ADARB2: variants seen among roughly 807,000 people sequenced by gnomAD.
The protein encoded by ADARB2 is inactive double-stranded RNA-specific editase B2.
A neutral mutation model predicts 62.2 loss-of-function variants in ADARB2; 25 were observed. The observed-to-expected ratio is 0.40, with a 90% confidence interval of 0.29 to 0.56. The LOEUF (loss-of-function observed/expected upper bound fraction) is 0.56. ADARB2 is among the 20% of genes least tolerant of loss of function. ADARB2 has a pLI of 0.43. For missense variants in ADARB2, 1,071 were observed against 1,077.4 expected (o/e 0.99, Z 0.08); for synonymous variants, 572 against 500.8 (o/e 1.14, Z -1.90).
At chr10:1,230,504 C>T (rs1830794575) in intron 6 of ADARB2, among the ~76,000 whole-genome samples, 1 of 152,202 alleles carries the variant, frequency 6.6e-6, no homozygotes, top group South Asian at 2.1e-4. Flanking sequence ...GTAACAAAGA[C>T]ATACACCGCC....
At chr10:1,728,950 C>T (rs1012734094) in intron 1 of ADARB2, among the ~76,000 whole-genome samples, 1 of 152,186 alleles carries the variant, frequency 6.6e-6, no homozygotes, top group African/African-American at 2.4e-5. Context: ...TACTGCTTAT[C>T]CTAGTACTTT....
chr10:1,378,833 G>T (rs1034716806), intron 2 of ADARB2, among the ~76,000 whole-genome samples: 12 of 152,182 alleles, frequency 7.9e-5, no homozygotes, highest in African/African-American at 2.9e-4. Context: ...AGGATTCTGG[G>T]TGAGGACAGG....
At chr10:1,188,042 T>G (rs1447982425) in intron 8 of ADARB2, 1 of 164,284 alleles carries the variant, frequency 6.1e-6, no homozygotes, top group Admixed American at 6.1e-5. Flanking sequence ...AGCCTGTCCA[T>G]GACCCCGGAG....
intron 1 of ADARB2, among the ~76,000 whole-genome samples, chr10:1,550,368 C>A (rs369021464): frequency 6.6e-6 from 1 of 152,248 alleles, no homozygotes; most frequent in African/African-American, 2.4e-5. Context: ...CGGCGAACAG[C>A]AGCTATTTTC....
At chr10:1,270,907 CCTTT>C (rs753194918) in intron 4 of ADARB2, 44 bp downstream of exon 4, 11 of 1,540,302 alleles carry the variant, frequency 7.1e-6, no homozygotes, top group Non-Finnish European at 9.8e-6. Context: ...TGCTAATGCT[CCTTT>C]CTTTAGAGAT....
intron 1 of ADARB2, among the ~76,000 whole-genome samples, chr10:1,474,037 G>A (rs989266371): frequency 2.6e-5 from 4 of 152,282 alleles, no homozygotes; most frequent in Non-Finnish European, 5.9e-5. Flanking sequence ...GTAGTTTCTA[G>A]TGCAGGAGAC....
intron 7 of ADARB2, among the ~76,000 whole-genome samples, chr10:1,211,357 T>C (rs988108193): frequency 2.6e-5 from 4 of 152,188 alleles, no homozygotes; most frequent in Admixed American, 2.6e-4. Context: ...TGCTATGTGC[T>C]GTATCATCTA....
At chr10:1,614,883 T>C (rs944390315) in intron 1 of ADARB2, among the ~76,000 whole-genome samples, 31 of 150,230 alleles carry the variant, frequency 2.1e-4, no homozygotes, top group African/African-American at 5.4e-4. Context: ...TGCACTCCAG[T>C]ATGGGTGACA....
At chr10:1,729,960 A>T (rs569469147) in intron 1 of ADARB2, among the ~76,000 whole-genome samples, 1 of 152,382 alleles carries the variant, frequency 6.6e-6, no homozygotes, top group South Asian at 2.1e-4. Context: ...TAAATGGAGC[A>T]GCACAGATTA....
chr10:1,653,170 G>A (rs190588812), intron 1 of ADARB2, among the ~76,000 whole-genome samples: 2 of 152,334 alleles, frequency 1.3e-5, no homozygotes, highest in East Asian at 1.9e-4. Flanking sequence ...TCAGCGTCCA[G>A]GGGAAATATG....
chr10:1,476,112 T>TC (rs1831396706), intron 1 of ADARB2, among the ~76,000 whole-genome samples: 1 of 151,784 alleles, frequency 6.6e-6, no homozygotes, highest in African/African-American at 2.4e-5. Context: ...AAGTAAAACA[T>TC]CCTTTGAAGG....
chr10:1,333,052 A>G (rs1373620977), intron 3 of ADARB2, among the ~76,000 whole-genome samples: 3 of 152,194 alleles, frequency 2.0e-5, no homozygotes, highest in Admixed American at 6.5e-5. Context: ...TTTGACTCCA[A>G]TTGCAAGTGG....
rs186792687 is a variant in ADARB2 at position 1,614,886 on chromosome 10, G to A, written c.100+122165C>T. 1.9e-3 allele frequency among the ~76,000 whole-genome samples: 290 copies of A among 151,252 alleles called. 1 individual carries two copies. Among genetic ancestry groups the A allele is most frequent in the African/African-American group, 6.7e-3 (276 of 41,120 alleles). ...AGATCGCGCCAGTGCACTCCAGTAT[G>A]GGTGACAGAGCGAGACTCTGACTCA... On this transcript the variant is annotated intron_variant, in intron 1 of 9. Transcript: ENST00000381312.
intron 6 of ADARB2, among the ~76,000 whole-genome samples, chr10:1,232,031 G>C (rs374555144): frequency 2.6e-5 from 4 of 152,158 alleles, no homozygotes; most frequent in Non-Finnish European, 1.5e-5. Flanking sequence ...GCCTTCCACC[G>C]GAGGAGAGTC....
chr10:1,375,990 C>T (rs1432557652), intron 2 of ADARB2, among the ~76,000 whole-genome samples: 2 of 151,970 alleles, frequency 1.3e-5, no homozygotes, highest in South Asian at 2.1e-4. Flanking sequence ...CACGCACACA[C>T]ACGCACATGA....
chr10:1,643,517 C>G (rs1255770277), intron 1 of ADARB2, among the ~76,000 whole-genome samples: 1 of 152,096 alleles, frequency 6.6e-6, no homozygotes, highest in African/African-American at 2.4e-5. Flanking sequence ...TTTCATCCCC[C>G]AAAAAACAAA....
At chr10:1,536,429 G>C (rs1054993812) in intron 1 of ADARB2, among the ~76,000 whole-genome samples, 1 of 152,200 alleles carries the variant, frequency 6.6e-6, no homozygotes, top group African/African-American at 2.4e-5. Context: ...TAGCAGCTGA[G>C]TGGGCTAAGA....
intron 1 of ADARB2, among the ~76,000 whole-genome samples, chr10:1,713,287 A>T (rs1834975768): frequency 6.6e-6 from 1 of 152,218 alleles, no homozygotes. Flanking sequence ...AGCGCTTGGG[A>T]TGAAATTCTC....
chr10:1,607,628 G>A (rs1395270704), intron 1 of ADARB2, among the ~76,000 whole-genome samples: 2 of 152,208 alleles, frequency 1.3e-5, no homozygotes, highest in Admixed American at 1.3e-4. Flanking sequence ...CACTCCTCCA[G>A]TAAAGTACGA....
Sources: gnomAD v4.1 joint callset for allele counts (sites outside exome capture counted in the v4.1 genomes callset) on GRCh38, gnomAD v4.1.1 for gene constraint, MANE v1.5 for transcripts, NCBI Gene and HGNC (gene_info 2026-07-23, HGNC 2026-07-21) for gene names.